The following GGA1 variants were observed in gnomAD, a reference collection of about 807,000 sequenced individuals.
GGA1 encodes ADP-ribosylation factor-binding protein GGA1.
In GGA1, 18 loss-of-function variants were observed where a neutral mutation model predicts 76.9. The ratio of observed to expected loss-of-function variants is 0.23; its 90% CI spans 0.16 to 0.35. The LOEUF (loss-of-function observed/expected upper bound fraction) is 0.35. GGA1 is among the 10% of genes least tolerant of loss of function. The probability of loss-of-function intolerance (pLI) is 1.00; values close to 1 mark genes in which losing one functional copy is unlikely to be tolerated. For missense variants in GGA1, 755 were observed against 859.0 expected (o/e 0.88, Z 1.51); for synonymous variants, 342 against 354.7 (o/e 0.96, Z 0.40).
At chr22:37,615,636 C>T (rs1164738769) in intron 2 of GGA1, among the ~76,000 whole-genome samples, 2 of 125,766 alleles carry the variant, frequency 1.6e-5, no homozygotes, top group African/African-American at 6.1e-5. Context: ...CGGTGGTGTG[C>T]GCCTGTAGTC....
rs546786870 is a variant in GGA1, at chr22:37,620,926, G to A, written c.528+13G>A. On this transcript the variant is annotated intron_variant, in intron 6 of 16. Transcript: ENST00000343632. ...GGAGAAATCCAAGGTGAGACTCCAAGGAGGCACATATGGGGACTCTGAGCC... is the reference window on the plus strand; with the variant it reads ...GGAGAAATCCAAGGTGAGACTCCAAAGAGGCACATATGGGGACTCTGAGCC... 7 of 1,529,200 alleles carry A rather than the reference G, an allele frequency of 4.6e-6. No individual in the cohort carries two copies. The South Asian group carries it at 7.8e-5, about 17-fold the overall frequency. The allele number at this position is 1,529,200 out of a possible 1,614,324, so 94.7% of individuals were successfully genotyped here. A position where few individuals can be genotyped will look rare whatever the true frequency, so the allele number is the denominator to read the frequency against.
chr22:37,612,366 G>GA (rs1927824950), intron 1 of GGA1, among the ~76,000 whole-genome samples: 2 of 149,884 alleles, frequency 1.3e-5, no homozygotes, highest in Admixed American at 6.7e-5. Context: ...CAGCTACTCG[G>GA]GAGGCTGAGG....
chr22:37,629,541 C>T lies in GGA1; in HGVS notation c.1158+15C>T, dbSNP rs373167648. 18 of 1,532,804 alleles carry T rather than the reference C, an allele frequency of 1.2e-5. No individual in the cohort carries two copies. The highest frequency in any genetic ancestry group is 1.3e-5 in the Non-Finnish European group (15 of 1,129,288). The allele number at this position is 1,532,804 out of a possible 1,614,324, so 95.0% of individuals were successfully genotyped here. Reference sequence around the variant, plus strand: ...ACAGCTTCCAGGTAGGAGGGGACCACAAACTAGTCTGGCCTGTCCCAGTCC... The same window carrying T: ...ACAGCTTCCAGGTAGGAGGGGACCATAAACTAGTCTGGCCTGTCCCAGTCC... On this transcript the variant is annotated intron_variant, in intron 12 of 16. Coordinates refer to ENST00000343632, the MANE Select transcript of GGA1 (RefSeq NM_013365.5).
chr22:37,623,672 C>T lies in GGA1; in HGVS notation c.832+39C>T, dbSNP rs760452095. The T allele has an allele frequency of 2.3e-6, 3 of 1,302,206 alleles. No homozygotes were observed. Among genetic ancestry groups the T allele is most frequent in the Non-Finnish European group, 3.3e-6 (3 of 921,328 alleles). 80.7% of individuals were successfully genotyped at this position (1,302,206 alleles called of 1,614,324 possible). ...AGGTGCTGAGGTCAGGTCCCCCCCT[C>T]TCCCTCCACCTCCTGCCCCCACCTC... is the stretch of plus-strand genomic sequence containing the variant. On this transcript the variant is annotated intron_variant, in intron 9 of 16. Coordinates refer to ENST00000343632, the MANE Select transcript of GGA1 (RefSeq NM_013365.5). The surrounding 1 kb of genome is among the most constrained non-coding windows in gnomAD (Gnocchi z 4.6).
intron 3 of GGA1, chr22:37,617,318 A>G: frequency 8.0e-7 from 1 of 1,248,674 alleles, no homozygotes; most frequent in East Asian, 4.6e-5. Flanking sequence ...GGCTCCACCC[A>G]GACCTGCCGA....
chr22:37,621,834 G>T, intron 7 of GGA1, 138 bp downstream of exon 7: 1 of 559,644 alleles, frequency 1.8e-6, no homozygotes. Flanking sequence ...AGCTGATGCT[G>T]GGGGACCAGG....
chr22:37,630,979 T>C lies in GGA1; in HGVS notation c.1408T>C (p.Ser470Pro). 1 of 1,613,438 alleles carries C rather than the reference T, an allele frequency of 6.2e-7. No homozygotes were observed. Among genetic ancestry groups the C allele is most frequent in the Non-Finnish European group, 8.5e-7 (1 of 1,179,806 alleles). ...NKSSSCSSPS[S>P]SATSLLHTVS... ...GAGCAGCAGCTGCAGCTCCCCCAGC[T>C]CCAGCGCCACCAGCCTTCTCCACAC... The change falls in exon 14 of 17, where the codon TCC becomes CCC. Residue 470 changes from serine to proline, a missense_variant. Physicochemically the swap from Ser to Pro is moderately conservative, Grantham distance 74. Transcript: ENST00000343632.
intron 1 of GGA1, among the ~76,000 whole-genome samples, chr22:37,611,750 A>C (rs962311293): frequency 6.6e-6 from 1 of 152,230 alleles, no homozygotes; most frequent in African/African-American, 2.4e-5. Context: ...AGGCGTGGGC[A>C]GAACTGGCTG....
At position 37,618,471 on chromosome 22, in the gene GGA1, C is replaced by G; in HGVS notation, c.228C>G (p.Ser76Arg). Residue 76 changes from serine to arginine, a missense_variant, in exon 4 of 17, where the codon AGC becomes AGG. Ser to Arg is a moderately radical substitution (Grantham distance 110). Coordinates refer to ENST00000343632, the MANE Select transcript of GGA1 (RefSeq NM_013365.5). Reference sequence around the variant, plus strand: ...AGGTGCTGGAAACATGCATGAAGAGCTGCGGCAAGCGGTTCCACGACGAAG... The same window carrying G: ...AGGTGCTGGAAACATGCATGAAGAGGTGCGGCAAGCGGTTCCACGACGAAG... ...ALTVLETCMK[S>R]CGKRFHDEVG... is the part of the protein sequence containing the mutation. The G allele has an allele frequency of 6.2e-7, 1 of 1,612,492 alleles. No individual in the cohort carries two copies. The highest frequency in any genetic ancestry group is 1.1e-5 in the South Asian group (1 of 91,038).
rs908013031 is a variant in GGA1, at chr22:37,632,953, C to T, written c.*242C>T. ...TTTGTGCCGCTGGGGTCTCCATCAC[C>T]GGGACCTGGAGAGGGAGGGGCTGTG... On this transcript the variant is annotated 3_prime_UTR_variant, in exon 17 of 17. Transcript: ENST00000343632. This position sits in a 1 kb window ranked among gnomAD's most constrained non-coding sequence, Gnocchi z 5.1. The T allele has an allele frequency of 1.8e-5, 10 of 542,772 alleles. No individual in the cohort carries two copies. Among genetic ancestry groups the T allele is most frequent in the Non-Finnish European group, 3.0e-5 (9 of 301,066 alleles). 33.6% of individuals were successfully genotyped at this position (542,772 alleles called of 1,614,324 possible).
At chr22:37,609,666 A>G (rs1284323736) in intron 1 of GGA1, among the ~76,000 whole-genome samples, 1 of 152,002 alleles carries the variant, frequency 6.6e-6, no homozygotes, top group African/African-American at 2.4e-5. Flanking sequence ...CTAGCCCGCA[A>G]ACCCTCCACC....
chr22:37,625,220 G>A lies in GGA1; in HGVS notation c.940+144G>A, dbSNP rs1930599091. 1.4e-6 allele frequency: 1 copy of A among 708,624 alleles called. No individual in the cohort carries two copies. Among genetic ancestry groups the A allele is most frequent in the Non-Finnish European group, 2.4e-6 (1 of 422,466 alleles). The allele number at this position is 708,624 out of a possible 1,614,324, so 43.9% of individuals were successfully genotyped here. ...TTAAGATGGGGAAGGCCCCAGGGAG[G>A]GAGCTGGGGGTGAAGTCTGTGCCAA... On this transcript the variant is annotated intron_variant, in intron 10 of 16. Coordinates refer to ENST00000343632, the MANE Select transcript of GGA1 (RefSeq NM_013365.5). This position sits in a 1 kb window ranked among gnomAD's most constrained non-coding sequence, Gnocchi z 4.1.
At position 37,632,434 on chromosome 22, in the gene GGA1, G is replaced by A. The variant is rs202112368; in HGVS notation, c.1728G>A (p.Ser576=). 2.5e-4 allele frequency: 405 copies of A among 1,613,372 alleles called. 6 individuals carry two copies. In the East Asian group the frequency reaches 7.8e-3, roughly 31 times the overall value. ...KVMKVKLQPP[S]GTELPAFNPI... is the part of the protein sequence containing the mutation. Reference sequence around the variant, plus strand: ...TGAAGGTGAAGCTGCAGCCACCCTCGGGCACGGAGCTGCCAGCTTTTAACC... The same window carrying A: ...TGAAGGTGAAGCTGCAGCCACCCTCAGGCACGGAGCTGCCAGCTTTTAACC... Residue 576 remains serine, a synonymous_variant, in exon 16 of 17, where the codon TCG becomes TCA. Coordinates refer to ENST00000343632, the MANE Select transcript of GGA1 (RefSeq NM_013365.5). The surrounding 1 kb of genome is among the most constrained non-coding windows in gnomAD (Gnocchi z 5.1).
At position 37,632,310 on chromosome 22, in the gene GGA1, G is replaced by A. The variant is rs1931964707; in HGVS notation, c.1699-95G>A. 1 of 1,302,794 alleles carries A rather than the reference G, an allele frequency of 7.7e-7. No homozygotes were observed. 80.7% of individuals were successfully genotyped at this position (1,302,794 alleles called of 1,614,324 possible). On this transcript the variant is annotated intron_variant, in intron 15 of 16. Transcript: ENST00000343632. The surrounding 1 kb of genome is among the most constrained non-coding windows in gnomAD (Gnocchi z 5.1). ...AAGGGACCAGAAGGACTGAGCCCCAGGATCCCCGGAGGGGAGCTGGCAGGC... is the reference window on the plus strand; with the variant it reads ...AAGGGACCAGAAGGACTGAGCCCCAAGATCCCCGGAGGGGAGCTGGCAGGC...
At chr22:37,629,335 T>G in intron 11 of GGA1, 127 bp from the exon 12 acceptor site, 4 of 641,396 alleles carry the variant, frequency 6.2e-6, no homozygotes, top group Non-Finnish European at 8.1e-6. Context: ...AAAATGTGGG[T>G]TTCTCCCCTC....
intron 1 of GGA1, among the ~76,000 whole-genome samples, chr22:37,611,308 T>C (rs1927528401): frequency 6.6e-6 from 1 of 152,016 alleles, no homozygotes; most frequent in South Asian, 2.1e-4. Flanking sequence ...TCAGCTCAGC[T>C]CTGAGAGCCC....
intron 4 of GGA1, among the ~76,000 whole-genome samples, chr22:37,619,087 A>T (rs1053878923): frequency 5.3e-5 from 8 of 152,052 alleles, no homozygotes; most frequent in African/African-American, 1.4e-4. Flanking sequence ...TTTTTTTGAG[A>T]TGGAGTCTTG....
At chr22:37,613,294 C>A in intron 1 of GGA1, 1 of 394,676 alleles carries the variant, frequency 2.5e-6, no homozygotes. Context: ...GGTGTACCAG[C>A]TCCAGCCTGG....
At position 37,621,487 on chromosome 22, in the gene GGA1, A is replaced by G. The variant is rs957488098; in HGVS notation, c.529-129A>G. 5.8e-5 allele frequency: 37 copies of G among 640,584 alleles called. No homozygotes were observed. In the African/African-American group the frequency reaches 6.6e-4, roughly 11 times the overall value. The allele number at this position is 640,584 out of a possible 1,614,324, so 39.7% of individuals were successfully genotyped here. A position where few individuals can be genotyped will look rare whatever the true frequency, so the allele number is the denominator to read the frequency against. On this transcript the variant is annotated intron_variant, in intron 6 of 16. Coordinates refer to ENST00000343632, the MANE Select transcript of GGA1 (RefSeq NM_013365.5). ...TATCAGGCATCAGTAAATTCTCACC[A>G]TTTCACAGAGAGCTTAAGTAACTTA...
Sources: allele counts gnomAD v4.1 joint callset (sites outside exome capture counted in the v4.1 genomes callset), GRCh38; gene constraint gnomAD v4.1.1; non-coding constraint Gnocchi (gnomAD v3.1); transcripts MANE v1.5; gene names NCBI Gene and HGNC (gene_info 2026-07-23, HGNC 2026-07-21).